Variants in GDPD5 observed in about 807,000 individuals in gnomAD.
GDPD5 encodes glycerophosphodiester phosphodiesterase 2.
GDPD5 carries 48 observed loss-of-function variants against 75.1 expected under a neutral mutation model. That is an observed-to-expected ratio of 0.64 (90% CI 0.51 to 0.81). The LOEUF (loss-of-function observed/expected upper bound fraction) is 0.81. Ranked by LOEUF, GDPD5 falls within the 40% of genes least tolerant of loss-of-function variation. The pLI, the probability that GDPD5 is intolerant of heterozygous loss-of-function variation, is 0.00. For synonymous variants in GDPD5, 336 were observed against 339.0 expected (o/e 0.99, Z 0.10); for missense variants, 706 against 822.6 (o/e 0.86, Z 1.73).
intron 1 of GDPD5, among the ~76,000 whole-genome samples, chr11:75,491,946 A>G (rs1191941365): frequency 6.6e-6 from 1 of 152,178 alleles, no homozygotes; most frequent in Non-Finnish European, 1.5e-5. Flanking sequence ...TGAGGTCCAG[A>G]GAGGGGCAGA....
At position 75,477,748 on chromosome 11, in the gene GDPD5, G is replaced by T. The variant is rs374232789; in HGVS notation, c.-13C>A. The T allele has an allele frequency of 2.0e-5, 30 of 1,535,132 alleles. No individual in the cohort carries two copies. In the South Asian group the frequency reaches 3.6e-4, roughly 18 times the overall value. ...GGTGTCTCACCATACTCGTGCCCAC[G>T]GCCCTGGCGCCTGGCCCTCAGGCGC... On this transcript the variant is annotated 5_prime_UTR_variant, in exon 3 of 17. Transcript: ENST00000336898.
intron 9 of GDPD5, chr11:75,448,756 A>G: frequency 8.2e-7 from 1 of 1,212,998 alleles, no homozygotes; most frequent in Non-Finnish European, 1.0e-6. Flanking sequence ...TTTGCAGGGC[A>G]CTTAGGACAA....
chr11:75,473,589 A>G (rs960653962), intron 3 of GDPD5, among the ~76,000 whole-genome samples: 1 of 151,688 alleles, frequency 6.6e-6, no homozygotes, highest in Non-Finnish European at 1.5e-5. Flanking sequence ...CCACAATTTG[A>G]CCACAGTGTT....
chr11:75,458,698 A>AAATT (rs376524229), intron 4 of GDPD5, among the ~76,000 whole-genome samples: 7 of 57,554 alleles, frequency 1.2e-4, no homozygotes, highest in African/African-American at 2.9e-4. Flanking sequence ...ATAAATAAAT[A>AAATT]AAATAAATAA....
At position 75,449,996 on chromosome 11, in the gene GDPD5, G is replaced by A. The variant is rs1377345555; in HGVS notation, c.376-13C>T. The A allele has an allele frequency of 6.2e-7, 1 of 1,610,712 alleles. No individual in the cohort carries two copies. Among genetic ancestry groups the A allele is most frequent in the Non-Finnish European group, 8.5e-7 (1 of 1,177,624 alleles). On this transcript the variant is annotated splice_polypyrimidine_tract_variant and intron_variant, in intron 6 of 16. Transcript: ENST00000336898. The stretch of plus-strand genomic sequence containing the variant: ...CCACCAGCCCGATCTGGAGGGGGAA[G>A]AGTCACCGGACAGAGGCTCAGAGCG...
chr11:75,465,123 A>G (rs944752893), intron 3 of GDPD5, among the ~76,000 whole-genome samples: 1 of 152,046 alleles, frequency 6.6e-6, no homozygotes, highest in Non-Finnish European at 1.5e-5. Context: ...TTAGACTGAC[A>G]CCCATCTGGT....
At chr11:75,481,602 G>C (rs543103729) in intron 2 of GDPD5, among the ~76,000 whole-genome samples, 1 of 152,028 alleles carries the variant, frequency 6.6e-6, no homozygotes, top group Non-Finnish European at 1.5e-5. Flanking sequence ...GGTGCTCTCA[G>C]CTTTACTATA....
At chr11:75,520,038 C>T (rs1950723895) in intron 1 of GDPD5, among the ~76,000 whole-genome samples, 1 of 152,242 alleles carries the variant, frequency 6.6e-6, no homozygotes, top group Admixed American at 6.5e-5. Flanking sequence ...GCTCCCTCCC[C>T]TGAACCTAGC....
At chr11:75,481,964 G>A (rs1252775324) in intron 2 of GDPD5, among the ~76,000 whole-genome samples, 1 of 152,118 alleles carries the variant, frequency 6.6e-6, no homozygotes, top group Non-Finnish European at 1.5e-5. Context: ...GGCAGGGAGG[G>A]GGAAAAGTGC....
At chr11:75,508,955 C>T (rs1790641675) in intron 1 of GDPD5, 1 of 152,308 alleles carries the variant, frequency 6.6e-6, no homozygotes, top group South Asian at 2.1e-4. Flanking sequence ...AGAGGGGGTA[C>T]CTGAGGCCCT....
intron 2 of GDPD5, among the ~76,000 whole-genome samples, chr11:75,490,019 A>G (rs906767689): frequency 6.6e-6 from 1 of 152,186 alleles, no homozygotes; most frequent in African/African-American, 2.4e-5. Context: ...CATCAGCCTC[A>G]TGGGCTCTCA....
chr11:75,493,972 C>T (rs1950163433), intron 1 of GDPD5, among the ~76,000 whole-genome samples: 1 of 151,990 alleles, frequency 6.6e-6, no homozygotes, highest in African/African-American at 2.4e-5. Context: ...GGTATTAATT[C>T]TTTAAATTTG....
In GDPD5 at chr11:75,525,259, T is replaced by A. The variant is rs1941624651; in HGVS notation, c.-194A>T. ...GCCGGGACAGAAGGGGACCCCTGTGTTATCTTCGGGGCAGGCGCTGAACCC... is the reference window on the plus strand; with the variant it reads ...GCCGGGACAGAAGGGGACCCCTGTGATATCTTCGGGGCAGGCGCTGAACCC... On this transcript the variant is annotated 5_prime_UTR_variant, in exon 1 of 17. Coordinates refer to ENST00000336898, the MANE Select transcript of GDPD5 (RefSeq NM_030792.8). 2 of 152,302 alleles carry A rather than the reference T, an allele frequency of 1.3e-5. No individual in the cohort carries two copies. Among genetic ancestry groups the A allele is most frequent in the African/African-American group, 4.8e-5 (2 of 41,434 alleles). The allele number at this position is 152,302 out of a possible 1,614,324, so 9.4% of individuals were successfully genotyped here.
chr11:75,511,674 C>T (rs2135486491), intron 1 of GDPD5, among the ~76,000 whole-genome samples: 1 of 152,266 alleles, frequency 6.6e-6, no homozygotes, highest in South Asian at 2.1e-4. Flanking sequence ...GGCCATGCTT[C>T]CCTGCACTGA....
intron 4 of GDPD5, 102 bp downstream of exon 4, chr11:75,462,684 A>C (rs1949439557): frequency 1.1e-6 from 1 of 880,098 alleles, no homozygotes; most frequent in Non-Finnish European, 1.8e-6. Flanking sequence ...CAGAGCTCAG[A>C]GGGCCAACCT....
chr11:75,457,573 T>G (rs1949310752), intron 5 of GDPD5, 120 bp downstream of exon 5: 1 of 665,712 alleles, frequency 1.5e-6, no homozygotes, highest in Non-Finnish European at 2.6e-6. Context: ...AAATACAATA[T>G]TCCTACAAAT....
intron 4 of GDPD5, among the ~76,000 whole-genome samples, chr11:75,460,303 CT>C (rs111547458): frequency 5.4e-5 from 8 of 149,372 alleles, no homozygotes; most frequent in African/African-American, 7.4e-5. Flanking sequence ...CCCAGAGATT[CT>C]TTTTTTTTTG....
intron 14 of GDPD5, among the ~76,000 whole-genome samples, 184 bp downstream of exon 14, chr11:75,440,979 C>A (rs1301324470): frequency 6.6e-6 from 1 of 152,228 alleles, no homozygotes; most frequent in Non-Finnish European, 1.5e-5. Context: ...CCTCCCAGCA[C>A]CTTAGTGCAG....
Position 75,462,810 on chromosome 11 carries a change from T to C in GDPD5, c.197A>G (p.His66Arg). The C allele has an allele frequency of 2.5e-6, 4 of 1,614,052 alleles. No homozygotes were observed. Among genetic ancestry groups the C allele is most frequent in the Middle Eastern group, 1.7e-4 (1 of 6,060 alleles). Residue 66 changes from histidine to arginine, a missense_variant, in exon 4 of 17, where the codon CAC becomes CGC. Physicochemically the swap from His to Arg is conservative, Grantham distance 29. Transcript: ENST00000336898. ...CCAGTTGAATTCATCATAGTCATTGTGGACTTCCCACCAGAAGTAAAGCCA... is the reference window on the plus strand; with the variant it reads ...CCAGTTGAATTCATCATAGTCATTGCGGACTTCCCACCAGAAGTAAAGCCA... ...LTWLYFWWEVHNDYDEFNWYL... is the reference protein window; with the variant it reads ...LTWLYFWWEVRNDYDEFNWYL...
Sources: gnomAD v4.1 joint callset for allele counts (sites outside exome capture counted in the v4.1 genomes callset) on GRCh38, gnomAD v4.1.1 for gene constraint, MANE v1.5 for transcripts, NCBI Gene and HGNC (gene_info 2026-07-23, HGNC 2026-07-21) for gene names.